Variants in KCNAB1 observed in about 807,000 individuals in gnomAD.
KCNAB1 encodes the protein voltage-gated potassium channel subunit beta-1.
Under a neutral mutation model 64.6 loss-of-function variants are expected in KCNAB1, and 35 were observed. The ratio of observed to expected loss-of-function variants is 0.54; its 90% CI spans 0.41 to 0.72. The LOEUF (loss-of-function observed/expected upper bound fraction) is 0.72. Ranked by LOEUF, KCNAB1 falls within the 30% of genes least tolerant of loss-of-function variation. KCNAB1 has a pLI of 0.00. For missense variants in KCNAB1, 401 were observed against 512.9 expected (o/e 0.78, Z 2.11); for synonymous variants, 177 against 183.8 (o/e 0.96, Z 0.30).
intron 8 of KCNAB1, among the ~76,000 whole-genome samples, chr3:156,512,000 G>C (rs1181430605): frequency 2.0e-5 from 3 of 152,134 alleles, no homozygotes; most frequent in Non-Finnish European, 4.4e-5. Context: ...CACAAGGATG[G>C]TTCCTTTTTT....
intron 1 of KCNAB1, among the ~76,000 whole-genome samples, chr3:156,244,977 A>G (rs1717370346): frequency 6.6e-6 from 1 of 152,220 alleles, no homozygotes; most frequent in Admixed American, 6.5e-5. Flanking sequence ...CAGAAGAAGG[A>G]GCAGAATCTC....
At chr3:156,369,840 T>C (rs1187433103) in intron 1 of KCNAB1, among the ~76,000 whole-genome samples, 2 of 152,234 alleles carry the variant, frequency 1.3e-5, no homozygotes, top group Non-Finnish European at 2.9e-5. Context: ...ACACCAATCT[T>C]AATGATACTT....
intron 1 of KCNAB1, among the ~76,000 whole-genome samples, chr3:156,286,027 A>T (rs905681145): frequency 2.0e-5 from 3 of 152,134 alleles, no homozygotes; most frequent in African/African-American, 7.2e-5. Context: ...AGTGTGAGAA[A>T]ATCTGTATTA....
intron 1 of KCNAB1, among the ~76,000 whole-genome samples, chr3:156,204,271 C>T (rs1714518677): frequency 6.6e-6 from 1 of 152,178 alleles, no homozygotes; most frequent in South Asian, 2.1e-4. Context: ...CTGAGATTTG[C>T]CCTCCTACTC....
At chr3:156,143,702 G>A (rs1714868832) in intron 1 of KCNAB1, among the ~76,000 whole-genome samples, 1 of 151,040 alleles carries the variant, frequency 6.6e-6, no homozygotes, top group Non-Finnish European at 1.5e-5. Flanking sequence ...TTGGCTCTGA[G>A]TAGGGAGGTG....
At chr3:156,354,390 A>G (rs2108092333) in intron 1 of KCNAB1, among the ~76,000 whole-genome samples, 1 of 151,606 alleles carries the variant, frequency 6.6e-6, no homozygotes. Context: ...CGAACTCCCG[A>G]TCTCAAGTGA....
At chr3:156,420,851 A>G (rs1715417685) in intron 1 of KCNAB1, among the ~76,000 whole-genome samples, 1 of 152,114 alleles carries the variant, frequency 6.6e-6, no homozygotes, top group South Asian at 2.1e-4. Context: ...CTTGTTTAGA[A>G]AGCAAAAATA....
chr3:156,418,113 A>G (rs924235699), intron 1 of KCNAB1, among the ~76,000 whole-genome samples: 7 of 152,258 alleles, frequency 4.6e-5, no homozygotes, highest in African/African-American at 1.4e-4. Flanking sequence ...TATCTCTGAC[A>G]TAGATAAAAT....
At chr3:156,206,044 T>G (rs1714641360) in intron 1 of KCNAB1, among the ~76,000 whole-genome samples, 1 of 152,222 alleles carries the variant, frequency 6.6e-6, no homozygotes, top group Non-Finnish European at 1.5e-5. Context: ...TATTCTACCT[T>G]CAAGAATCAG....
At chr3:156,140,888 G>A (rs1248955613) in intron 1 of KCNAB1, among the ~76,000 whole-genome samples, 1 of 152,118 alleles carries the variant, frequency 6.6e-6, no homozygotes, top group East Asian at 1.9e-4. Context: ...GGGAGCATGT[G>A]CGCGTGTGTG....
intron 1 of KCNAB1, among the ~76,000 whole-genome samples, chr3:156,249,288 C>T (rs773227122): frequency 7.2e-5 from 11 of 152,004 alleles, no homozygotes; most frequent in Non-Finnish European, 1.2e-4. Context: ...ACAGGCTGGG[C>T]GCAGTGGCTC....
chr3:156,354,737 A>C (rs1240489865), intron 1 of KCNAB1, among the ~76,000 whole-genome samples: 1 of 151,922 alleles, frequency 6.6e-6, no homozygotes, highest in Non-Finnish European at 1.5e-5. Context: ...AAAAAAAAAA[A>C]AAAAGGAAAG....
intron 5 of KCNAB1, chr3:156,460,156 T>G: frequency 2.9e-6 from 1 of 339,598 alleles, no homozygotes; most frequent in South Asian, 6.0e-5. Flanking sequence ...ATTTCATGGC[T>G]TCTGACTGCC....
At chr3:156,494,100 G>T (rs142621196) in intron 8 of KCNAB1, among the ~76,000 whole-genome samples, 191 of 152,240 alleles carry the variant, frequency 1.3e-3, no homozygotes, top group African/African-American at 4.4e-3. Flanking sequence ...CCTGAAACCA[G>T]CACTGTTGTG....
At chr3:156,502,529 C>G (rs1270014434) in intron 8 of KCNAB1, among the ~76,000 whole-genome samples, 1 of 118,408 alleles carries the variant, frequency 8.4e-6, no homozygotes, top group African/African-American at 3.6e-5. Flanking sequence ...CCCTACCTTA[C>G]AACCACACAC....
chr3:156,525,018 T>C (rs1004101809), intron 12 of KCNAB1, among the ~76,000 whole-genome samples: 17 of 152,244 alleles, frequency 1.1e-4, no homozygotes, highest in African/African-American at 3.6e-4. Flanking sequence ...GCCAGTAATA[T>C]AAAAGTCTAG....
chr3:156,202,095 T>C (rs531745750), intron 1 of KCNAB1, among the ~76,000 whole-genome samples: 1 of 152,248 alleles, frequency 6.6e-6, no homozygotes, highest in South Asian at 2.1e-4. Flanking sequence ...TGGGAGCAAG[T>C]TGAGCCTGTG....
rs570749339 is a variant in KCNAB1, at chr3:156,388,256, T to G, written c.276-33360T>G. Among the ~76,000 whole-genome samples, 6 of 152,306 alleles carry G rather than the reference T, an allele frequency of 3.9e-5. No individual in the cohort carries two copies. In the East Asian group the frequency reaches 1.2e-3, roughly 29 times the overall value. ...GGAGCTAATCCTATAAAAAATTTGCTTCTGAAATAGGATTGGAGTGAGGTC... is the reference window on the plus strand; with the variant it reads ...GGAGCTAATCCTATAAAAAATTTGCGTCTGAAATAGGATTGGAGTGAGGTC... On this transcript the variant is annotated intron_variant, in intron 1 of 13. Coordinates refer to ENST00000490337, the MANE Select transcript of KCNAB1 (RefSeq NM_172160.3).
intron 1 of KCNAB1, among the ~76,000 whole-genome samples, chr3:156,385,076 G>A (rs1030219326): frequency 6.6e-6 from 1 of 152,158 alleles, no homozygotes; most frequent in African/African-American, 2.4e-5. Flanking sequence ...TGCAAGTAGA[G>A]TTTGCCTTAA....
Sources: allele counts gnomAD v4.1 joint callset (sites outside exome capture counted in the v4.1 genomes callset), GRCh38; gene constraint gnomAD v4.1.1; transcripts MANE v1.5; gene names NCBI Gene and HGNC (gene_info 2026-07-23, HGNC 2026-07-21).